NCOA2: variants seen among roughly 807,000 people sequenced by gnomAD.
The protein encoded by NCOA2 is nuclear receptor coactivator 2, also known as class E basic helix-loop-helix protein 75.
In NCOA2, 21 loss-of-function variants were observed where a neutral mutation model predicts 145.1. That is an observed-to-expected ratio of 0.14 (90% CI 0.10 to 0.21). NCOA2 has a LOEUF of 0.21. Ranked by LOEUF, NCOA2 falls within the 10% of genes least tolerant of loss-of-function variation. The pLI is 1.00. For missense variants in NCOA2, 1,472 were observed against 1,837.6 expected (o/e 0.80, Z 3.64); for synonymous variants, 619 against 637.5 (o/e 0.97, Z 0.44).
upstream of NCOA2, among the ~76,000 whole-genome samples, chr8:70,405,780 C>T (rs557701258): frequency 3.5e-4 from 54 of 152,300 alleles, 2 homozygotes; most frequent in African/African-American, 1.3e-3. Context: ...GTAGATTTCA[C>T]ACTTTTTAAA....
intron 2 of NCOA2, among the ~76,000 whole-genome samples, chr8:70,230,878 A>G (rs1194951746): frequency 6.6e-6 from 1 of 152,220 alleles, no homozygotes. Flanking sequence ...ATAATTTTAT[A>G]GCTGGGTCTT....
At chr8:70,442,116 GAAGAAAGAAAGAAAGAAAGAAAGAAAGA>G in the NCOA2 span, among the ~76,000 whole-genome samples, 8,292 of 82,418 alleles carry the variant, frequency 0.1, 334 homozygotes, top group South Asian at 0.19. Flanking sequence ...GAGAAAGAAA[GAAGAAAGAAAGAAAGAAAGAAAGAAAGA>G]AAGAAAGAAA....
the NCOA2 span, among the ~76,000 whole-genome samples, chr8:70,444,215 C>A: frequency 2.0e-5 from 3 of 152,172 alleles, no homozygotes; most frequent in Admixed American, 6.5e-5. Flanking sequence ...ATATACACAA[C>A]AACTTGAATA....
chr8:70,412,537 A>G, the NCOA2 span, among the ~76,000 whole-genome samples: 1 of 148,978 alleles, frequency 6.7e-6, no homozygotes, highest in African/African-American at 2.5e-5. Flanking sequence ...TAGAATTTAT[A>G]CTCAGGAAGC....
At chr8:70,253,147 G>T (rs1823344393) in intron 2 of NCOA2, among the ~76,000 whole-genome samples, 1 of 152,136 alleles carries the variant, frequency 6.6e-6, no homozygotes, top group Non-Finnish European at 1.5e-5. Flanking sequence ...AGTCACAGTG[G>T]CAAGCATGGG....
chr8:70,243,300 A>G (rs1251046084), intron 2 of NCOA2, among the ~76,000 whole-genome samples: 2 of 152,256 alleles, frequency 1.3e-5, no homozygotes, highest in South Asian at 2.1e-4. Context: ...AAATCTGCTC[A>G]TATGAAACGT....
intron 1 of NCOA2, among the ~76,000 whole-genome samples, chr8:70,341,082 GAAA>G (rs3085558): frequency 1.9e-5 from 2 of 105,060 alleles, no homozygotes; most frequent in African/African-American, 6.4e-5. Flanking sequence ...TTAAAAAGTT[GAAA>G]AAAAAAAAAA....
intron 1 of NCOA2, among the ~76,000 whole-genome samples, chr8:70,319,296 C>T (rs1191405580): frequency 1.3e-5 from 2 of 151,852 alleles, no homozygotes; most frequent in African/African-American, 2.4e-5. Flanking sequence ...AATCCCAATG[C>T]TTTAGGAGGC....
intron 1 of NCOA2, among the ~76,000 whole-genome samples, chr8:70,362,359 T>C (rs1190511408): frequency 8.5e-5 from 13 of 152,136 alleles, no homozygotes; most frequent in South Asian, 6.2e-4. Flanking sequence ...CAAAGAATAA[T>C]TGATAAATGA....
chr8:70,250,800 G>C (rs1215581985), intron 2 of NCOA2, among the ~76,000 whole-genome samples: 1 of 152,146 alleles, frequency 6.6e-6, no homozygotes, highest in East Asian at 1.9e-4. Flanking sequence ...ACAAGTTGCA[G>C]AGTGTGAACT....
chr8:70,252,009 T>C (rs932881728), intron 2 of NCOA2, among the ~76,000 whole-genome samples: 1 of 152,232 alleles, frequency 6.6e-6, no homozygotes, highest in Non-Finnish European at 1.5e-5. Context: ...ACACAGACTT[T>C]AAATCATTTA....
At chr8:70,347,378 G>A (rs566183309) in intron 1 of NCOA2, among the ~76,000 whole-genome samples, 19 of 151,992 alleles carry the variant, frequency 1.3e-4, no homozygotes, top group East Asian at 5.8e-4. Flanking sequence ...CCAGCTACTC[G>A]AGAAACTGAG....
chr8:70,144,973 G>C (rs1047878326), intron 12 of NCOA2, 125 bp from the exon 13 acceptor site: 1 of 778,198 alleles, frequency 1.3e-6, no homozygotes, highest in East Asian at 2.6e-5. Flanking sequence ...CAACTACCTA[G>C]ATAAAAGACA....
chr8:70,146,703 T>C (rs1332110761), intron 12 of NCOA2, among the ~76,000 whole-genome samples: 2 of 150,582 alleles, frequency 1.3e-5, no homozygotes, highest in Admixed American at 1.3e-4. Flanking sequence ...GTGTGTCTGT[T>C]TTTTTTTTTG....
chr8:70,123,177 C>T (rs762218671), intron 21 of NCOA2, among the ~76,000 whole-genome samples: 15 of 152,082 alleles, frequency 9.9e-5, no homozygotes, highest in South Asian at 4.1e-4. Flanking sequence ...TGTTGTTCAA[C>T]GCAAAACAAT....
chr8:70,179,120 A>T (rs1306333391), intron 4 of NCOA2, among the ~76,000 whole-genome samples: 3 of 152,332 alleles, frequency 2.0e-5, no homozygotes, highest in South Asian at 4.1e-4. Flanking sequence ...AAAAGAAAAA[A>T]GGGTGAAGAA....
chr8:70,456,060 T>C, the NCOA2 span, among the ~76,000 whole-genome samples: 1 of 151,602 alleles, frequency 6.6e-6, no homozygotes, highest in African/African-American at 2.4e-5. Context: ...AGAGTAACCA[T>C]TGTAACATTG....
intron 1 of NCOA2, among the ~76,000 whole-genome samples, chr8:70,369,967 C>G (rs1811064469): frequency 6.6e-6 from 1 of 151,818 alleles, no homozygotes; most frequent in Non-Finnish European, 1.5e-5. Context: ...AGTGGTGCAG[C>G]CTTAACCTTC....
intron 1 of NCOA2, among the ~76,000 whole-genome samples, chr8:70,379,835 TG>T (rs1563825744): frequency 1.3e-5 from 2 of 152,180 alleles, no homozygotes; most frequent in African/African-American, 4.8e-5. Context: ...CTATCGTTTC[TG>T]TATCATGCTT....
Sources: gnomAD v4.1 joint callset for allele counts (sites outside exome capture counted in the v4.1 genomes callset) on GRCh38, gnomAD v4.1.1 for gene constraint, MANE v1.5 for transcripts, NCBI Gene and HGNC (gene_info 2026-07-23, HGNC 2026-07-21) for gene names.